GALM: variants seen among roughly 807,000 people sequenced by gnomAD.
GALM encodes galactose mutarotase.
In GALM, 43 loss-of-function variants were observed where a neutral mutation model predicts 37.4. That is an observed-to-expected ratio of 1.15 (90% CI 0.90 to 1.48). GALM has a LOEUF of 1.48. GALM is among the 40% of genes most tolerant of loss of function. GALM has a pLI of 0.00. For synonymous variants in GALM, 199 were observed against 170.6 expected, an observed-to-expected ratio of 1.17 and a Z score of -1.30; for missense variants, 456 against 419.1, an observed-to-expected ratio of 1.09 and a Z score of -0.77.
intron 2 of GALM, among the ~76,000 whole-genome samples, chr2:38,679,757 C>T (rs115243749): frequency 0.012 from 1,766 of 152,242 alleles, 31 homozygotes; most frequent in African/African-American, 0.039. Context: ...CTGGGGCAAG[C>T]GGTTTATCCT....
At position 38,666,224 on chromosome 2, in the gene GALM, G is replaced by C. The variant is rs758700731; in HGVS notation, c.63G>C (p.Lys21Asn). 2.5e-6 allele frequency: 4 copies of C among 1,614,006 alleles called. No individual in the cohort carries two copies. Among genetic ancestry groups the C allele is most frequent in the African/African-American group, 2.7e-5 (2 of 74,934 alleles). Residue 21 changes from lysine to asparagine, a missense_variant, in exon 1 of 7, where the codon AAG (lysine) becomes AAC (asparagine). Lys to Asn is a moderately conservative substitution (Grantham distance 94, BLOSUM62 0). Transcript: ENST00000272252. Reference sequence around the variant, plus strand: ...CCTCGGGAGGAGGGACAGTGGAGAAGTTCCAGCTGCAGTCAGACCTCTTGA... The same window carrying C: ...CCTCGGGAGGAGGGACAGTGGAGAACTTCCAGCTGCAGTCAGACCTCTTGA... ...ELPSGGGTVE[K>N]FQLQSDLLRV...
intron 1 of GALM, chr2:38,669,490 A>T (rs1387307845): frequency 1.3e-5 from 2 of 152,266 alleles, no homozygotes; most frequent in Non-Finnish European, 2.9e-5. Context: ...TGCCTTCTTC[A>T]ATCCGGTGTC....
intron 4 of GALM, among the ~76,000 whole-genome samples, chr2:38,701,711 A>G (rs1478912463): frequency 6.6e-6 from 1 of 152,186 alleles, no homozygotes; most frequent in East Asian, 1.9e-4. Flanking sequence ...AGATGATATA[A>G]TTACCTCCCT....
intron 6 of GALM, among the ~76,000 whole-genome samples, chr2:38,732,779 G>C (rs537016176): frequency 2.2e-4 from 33 of 152,110 alleles, no homozygotes; most frequent in Non-Finnish European, 3.8e-4. Flanking sequence ...AATTAGCCAG[G>C]TGTGGTAGTG....
intron 4 of GALM, chr2:38,698,400 G>A: frequency 7.7e-7 from 1 of 1,304,422 alleles, no homozygotes. Flanking sequence ...AAGGCTGAGA[G>A]CTCCTTTTAC....
rs924815079 is a variant in GALM at position 38,734,342 on chromosome 2, G to A, written c.*777G>A. 2.5e-5 allele frequency: 3 copies of A among 117,712 alleles called. No individual in the cohort carries two copies. Among genetic ancestry groups the A allele is most frequent in the African/African-American group, 1.0e-4 (3 of 29,306 alleles). 7.3% of individuals were successfully genotyped at this position (117,712 alleles called of 1,614,324 possible). On this transcript the variant is annotated 3_prime_UTR_variant, in exon 7 of 7. Coordinates refer to ENST00000272252, the MANE Select transcript of GALM (RefSeq NM_138801.3). ...GGAGGTGGAGGTTGCAGTGAGCCGA[G>A]ATCATGCCACTGCACTGGGCAACAG...
At chr2:38,715,555 A>G (rs368041882) in intron 4 of GALM, among the ~76,000 whole-genome samples, 5 of 152,052 alleles carry the variant, frequency 3.3e-5, no homozygotes, top group African/African-American at 1.2e-4. Flanking sequence ...CTCCCACCTC[A>G]ACCTCCTGAG....
chr2:38,720,539 G>A (rs914581697), intron 4 of GALM, among the ~76,000 whole-genome samples: 1 of 151,836 alleles, frequency 6.6e-6, no homozygotes, highest in Non-Finnish European at 1.5e-5. Context: ...CCTCTTAGAT[G>A]CTAGCAGTAT....
intron 1 of GALM, 135 bp downstream of exon 1, chr2:38,666,486 C>T: frequency 4.7e-6 from 3 of 636,296 alleles, no homozygotes; most frequent in South Asian, 4.1e-5. Flanking sequence ...GACTTGCAAG[C>T]GCATGCATCA....
rs767153310 is a variant in GALM at position 38,731,890 on chromosome 2, G to A, written c.932G>A (p.Trp311Ter). 14 of 1,614,010 alleles carry A rather than the reference G, an allele frequency of 8.7e-6. No homozygotes were observed. The Admixed American group carries it at 1.3e-4, about 15-fold the overall frequency. ...HSGFCLETQN[W>*]PDAVNQPRFP... ...GGTTTCTGCCTGGAGACTCAGAACT[G>A]GCCTGATGCAGTCAATCAGGTAATG... Residue 311 changes from tryptophan (W) to a stop codon, truncating the protein, a stop_gained, in exon 6 of 7, where the codon TGG (tryptophan) becomes TAG (stop). Coordinates refer to ENST00000272252, the MANE Select transcript of GALM (RefSeq NM_138801.3). LOFTEE classifies it high-confidence loss of function.
At chr2:38,691,868 T>A (rs1277363130) in intron 4 of GALM, among the ~76,000 whole-genome samples, 1 of 152,048 alleles carries the variant, frequency 6.6e-6, no homozygotes, top group African/African-American at 2.4e-5. Flanking sequence ...TGTAGCTTTT[T>A]AAAAAATAAT....
intron 3 of GALM, among the ~76,000 whole-genome samples, chr2:38,686,538 A>G (rs1665543951): frequency 6.6e-6 from 1 of 152,042 alleles, no homozygotes. Context: ...TGCTGGGATT[A>G]CAAGCATGAG....
intron 4 of GALM, among the ~76,000 whole-genome samples, chr2:38,714,901 A>T (rs904869660): frequency 2.0e-5 from 3 of 152,144 alleles, no homozygotes; most frequent in Non-Finnish European, 2.9e-5. Flanking sequence ...TTTACCTGTG[A>T]TGTTTCTTTG....
intron 4 of GALM, among the ~76,000 whole-genome samples, chr2:38,690,813 G>A (rs925509635): frequency 6.6e-6 from 1 of 152,168 alleles, no homozygotes; most frequent in Non-Finnish European, 1.5e-5. Context: ...ATGTGAGCCT[G>A]CATACCCAAC....
intron 3 of GALM, among the ~76,000 whole-genome samples, chr2:38,683,843 A>C (rs1000583377): frequency 7.9e-5 from 12 of 152,330 alleles, no homozygotes; most frequent in Admixed American, 7.8e-4. Context: ...CTAGGATTAC[A>C]GGCGTGAGCC....
At chr2:38,686,557 C>T (rs1665544705) in intron 3 of GALM, among the ~76,000 whole-genome samples, 2 of 151,896 alleles carry the variant, frequency 1.3e-5, no homozygotes, top group Non-Finnish European at 2.9e-5. Flanking sequence ...AGCCACCGTG[C>T]CTGGCCAGAA....
intron 1 of GALM, 122 bp from the exon 2 acceptor site, chr2:38,675,790 C>T (rs1419414869): frequency 1.2e-5 from 10 of 858,562 alleles, no homozygotes; most frequent in Admixed American, 5.9e-5. Flanking sequence ...AGGATGGTCT[C>T]GATCTCCTGA....
intron 4 of GALM, among the ~76,000 whole-genome samples, chr2:38,721,079 GA>G (rs2148454642): frequency 6.6e-6 from 1 of 152,312 alleles, no homozygotes; most frequent in South Asian, 2.1e-4. Flanking sequence ...CATCTTTGAA[GA>G]ATGCAATCTG....
chr2:38,725,702 T>A (rs1442838314), intron 4 of GALM, among the ~76,000 whole-genome samples: 2 of 152,082 alleles, frequency 1.3e-5, no homozygotes, highest in Non-Finnish European at 2.9e-5. Context: ...TTTTCATTTC[T>A]TTTCTTTTTT....
Sources: gnomAD v4.1 joint callset for allele counts (sites outside exome capture counted in the v4.1 genomes callset) on GRCh38, gnomAD v4.1.1 for gene constraint, MANE v1.5 for transcripts, NCBI Gene and HGNC (gene_info 2026-07-23, HGNC 2026-07-21) for gene names.